Variants in USP6 observed in about 807,000 individuals in gnomAD.
USP6 encodes the protein ubiquitin carboxyl-terminal hydrolase 6.
In USP6, 128 loss-of-function variants were observed where a neutral mutation model predicts 175.7. The ratio of observed to expected loss-of-function variants is 0.73; its 90% CI spans 0.63 to 0.84. USP6 has a LOEUF of 0.84. USP6 is among the 40% of genes least tolerant of loss of function. USP6 has a pLI of 0.00. For missense variants in USP6, 1,498 were observed against 1,760.3 expected, an observed-to-expected ratio of 0.85 and a Z score of 2.67; for synonymous variants, 562 against 630.6, an observed-to-expected ratio of 0.89 and a Z score of 1.63.
At chr17:5,117,972 G>A (rs2072571734) in intron 1 of USP6, among the ~76,000 whole-genome samples, 1 of 151,892 alleles carries the variant, frequency 6.6e-6, no homozygotes, top group Non-Finnish European at 1.5e-5. Context: ...AGGAGGCTGA[G>A]GCAGGAGAAT....
rs777543554 is a variant in USP6 at position 5,133,862 on chromosome 17, T to A, written c.385-25T>A. ...GTCTTCCATCTGTTCTGAGGCTGCT[T>A]CCTCCTCTTGGCCCTGCCCTACAGA... is the stretch of plus-strand genomic sequence containing the variant. On this transcript the variant is annotated intron_variant, in intron 14 of 37. Transcript: ENST00000574788. The A allele has an allele frequency of 4.3e-6, 7 of 1,609,730 alleles. No individual in the cohort carries two copies. The South Asian group carries it at 7.7e-5, about 18-fold the overall frequency.
intron 4 of USP6, among the ~76,000 whole-genome samples, chr17:5,123,650 G>C (rs2072784101): frequency 6.6e-6 from 1 of 152,184 alleles, no homozygotes; most frequent in Non-Finnish European, 1.5e-5. Flanking sequence ...ACAGGGACCC[G>C]CAGAACGCAT....
rs2073282355 is a variant in USP6, at chr17:5,137,189, A to G, written c.825+3A>G. On this transcript the variant is annotated splice_donor_region_variant and intron_variant, in intron 19 of 37. Coordinates refer to ENST00000574788, the MANE Select transcript of USP6 (RefSeq NM_001304284.2). ...TTCTCCGGAACCTGATTGACGGGGT[A>G]AGGAGGCATAGGGAGACCCTGGCTC... The G allele has an allele frequency of 1.9e-6, 3 of 1,612,520 alleles. No individual in the cohort carries two copies. Among genetic ancestry groups the G allele is most frequent in the African/African-American group, 1.3e-5 (1 of 74,986 alleles).
intron 30 of USP6, among the ~76,000 whole-genome samples, chr17:5,150,749 TC>T (rs1299307830): frequency 6.6e-6 from 1 of 152,124 alleles, no homozygotes; most frequent in African/African-American, 2.4e-5. Context: ...TGCCTCGCCC[TC>T]CCGAAGTGCT....
At chr17:5,166,080 C>T (rs1364347709) in intron 33 of USP6, among the ~76,000 whole-genome samples, 1 of 152,110 alleles carries the variant, frequency 6.6e-6, no homozygotes. Flanking sequence ...TGATACACCC[C>T]TTTTTCTACT....
chr17:5,132,989 A>G lies in USP6; in HGVS notation c.275A>G (p.Lys92Arg). Reference sequence around the variant, plus strand: ...TGGGAGACATATAAGCACAGTAGCAAAGTAATGTGTGGAGGGAGAGGCCCC... The same window carrying G: ...TGGGAGACATATAAGCACAGTAGCAGAGTAATGTGTGGAGGGAGAGGCCCC... Reference protein sequence around the residue: ...GEWETYKHSSKLIDRVYKGIP... With the variant: ...GEWETYKHSSRLIDRVYKGIP... Residue 92 changes from lysine (K) to arginine (R), a missense_variant and splice_region_variant, in exon 13 of 38, where the codon AAA becomes AGA. Lys to Arg is a conservative substitution (Grantham distance 26). Coordinates refer to ENST00000574788, the MANE Select transcript of USP6 (RefSeq NM_001304284.2). This position sits in a 1 kb window ranked among gnomAD's most constrained non-coding sequence, Gnocchi z 4.7. 6.2e-7 allele frequency: 1 copy of G among 1,614,102 alleles called. No individual in the cohort carries two copies. The highest frequency in any genetic ancestry group is 8.5e-7 in the Non-Finnish European group (1 of 1,179,976).
chr17:5,144,894 A>G (rs2073563878), intron 26 of USP6, 31 bp downstream of exon 26: 1 of 1,564,410 alleles, frequency 6.4e-7, no homozygotes, highest in East Asian at 2.3e-5. Flanking sequence ...TAATGTAAGC[A>G]ATAGACAAAA....
intron 15 of USP6, 37 bp downstream of exon 15, chr17:5,134,033 G>A: frequency 6.2e-7 from 1 of 1,600,430 alleles, no homozygotes; most frequent in Non-Finnish European, 8.6e-7. Flanking sequence ...CAGCAGAGAT[G>A]GGGTGAACGA....
Position 5,133,112 on chromosome 17 carries a change from G to C in USP6, c.276+122G>C, listed in dbSNP as rs1046736645. The C allele has an allele frequency of 1.1e-5, 13 of 1,180,738 alleles. No homozygotes were observed. In the Admixed American group the frequency reaches 2.6e-4, roughly 24 times the overall value. The allele number at this position is 1,180,738 out of a possible 1,614,324, so 73.1% of individuals were successfully genotyped here. A position where few individuals can be genotyped will look rare whatever the true frequency, so the allele number is the denominator to read the frequency against. ...GCGGGTGGCACACTGTCCTCGCCCA[G>C]AGGACTGCAGGCCTGGTCACCAGAT... On this transcript the variant is annotated intron_variant, in intron 13 of 37. Transcript: ENST00000574788.
chr17:5,129,786 G>A (rs2073002918), intron 8 of USP6, 150 bp from the exon 9 acceptor site: 1 of 160,748 alleles, frequency 6.2e-6, no homozygotes, highest in Admixed American at 5.7e-5. Context: ...TTTGGAGACA[G>A]TAATCATTTT....
At position 5,140,351 on chromosome 17, in the gene USP6, A is replaced by C. The variant is rs57543251; in HGVS notation, c.1498+677A>C. On this transcript the variant is annotated intron_variant, in intron 22 of 37. Coordinates refer to ENST00000574788, the MANE Select transcript of USP6 (RefSeq NM_001304284.2). ...AGGTCGAGGCGGGAGGTTCAGGTTC[A>C]CTTGAGTCTAGAAGTCTGAGACCAG... 6.8e-4 allele frequency among the ~76,000 whole-genome samples: 103 copies of C among 152,234 alleles called. 2 individuals are homozygous for C. In the East Asian group the frequency reaches 0.017, roughly 26 times the overall value.
intron 4 of USP6, among the ~76,000 whole-genome samples, chr17:5,123,581 G>A (rs1245938459): frequency 6.6e-6 from 1 of 152,170 alleles, no homozygotes; most frequent in African/African-American, 2.4e-5. Context: ...CACCGGGGGG[G>A]CACGCCGGCC....
At chr17:5,137,005 G>A in intron 18 of USP6, 116 bp from the exon 19 acceptor site, 1 of 1,251,548 alleles carries the variant, frequency 8.0e-7, no homozygotes. Context: ...GTGTTGTGGG[G>A]AGTTCTGGAC....
chr17:5,167,674 T>C (rs1389602699), intron 33 of USP6, among the ~76,000 whole-genome samples: 2 of 152,006 alleles, frequency 1.3e-5, no homozygotes, highest in African/African-American at 2.4e-5. Flanking sequence ...AATTTTTAGA[T>C]TTTTCTTTTA....
At chr17:5,164,765 A>G (rs1179956627) in intron 33 of USP6, among the ~76,000 whole-genome samples, 1 of 152,248 alleles carries the variant, frequency 6.6e-6, no homozygotes, top group Non-Finnish European at 1.5e-5. Flanking sequence ...TTAGAAAGTC[A>G]TGTAGACAAA....
chr17:5,126,556 GTCTC>G (rs956949240), intron 6 of USP6, among the ~76,000 whole-genome samples: 8 of 152,070 alleles, frequency 5.3e-5, no homozygotes, highest in African/African-American at 1.9e-4. Context: ...ACTCATGCAC[GTCTC>G]TCTCTGTCTC....
intron 33 of USP6, among the ~76,000 whole-genome samples, chr17:5,165,818 T>A (rs2074085236): frequency 6.6e-6 from 1 of 152,112 alleles, no homozygotes; most frequent in Non-Finnish European, 1.5e-5. Flanking sequence ...AAGGGAATCT[T>A]TATCACTTTG....
intron 33 of USP6, among the ~76,000 whole-genome samples, chr17:5,166,402 G>A (rs2074097218): frequency 6.6e-6 from 1 of 152,142 alleles, no homozygotes; most frequent in Non-Finnish European, 1.5e-5. Flanking sequence ...TAGGGAAAAA[G>A]TCTCGCCTGA....
intron 31 of USP6, among the ~76,000 whole-genome samples, chr17:5,160,394 C>A (rs1473559891): frequency 2.0e-5 from 3 of 152,138 alleles, no homozygotes; most frequent in Non-Finnish European, 4.4e-5. Context: ...CTCCCCCACC[C>A]CCAGCTTTAT....
Sources: allele counts gnomAD v4.1 joint callset (sites outside exome capture counted in the v4.1 genomes callset), GRCh38; gene constraint gnomAD v4.1.1; non-coding constraint Gnocchi (gnomAD v3.1); transcripts MANE v1.5; gene names NCBI Gene and HGNC (gene_info 2026-07-23, HGNC 2026-07-21).